Variants in ZDHHC14 observed in about 807,000 individuals in gnomAD.
ZDHHC14 encodes the protein zDHHC palmitoyltransferase 14, also known as palmitoyltransferase ZDHHC14.
ZDHHC14 carries 16 observed loss-of-function variants against 47.7 expected under a neutral mutation model. The observed-to-expected ratio is 0.34, with a 90% CI of 0.23 to 0.51. ZDHHC14 has a LOEUF of 0.51. Ranked by LOEUF, ZDHHC14 falls within the 20% of genes least tolerant of loss-of-function variation. The pLI, the probability that ZDHHC14 is intolerant of heterozygous loss-of-function variation, is 0.97. For synonymous variants in ZDHHC14, 293 were observed against 278.9 expected (o/e 1.05, Z -0.50); for missense variants, 515 against 662.5 (o/e 0.78, Z 2.44).
chr6:157,500,956 A>C (rs745379264), intron 1 of ZDHHC14, among the ~76,000 whole-genome samples: 1 of 152,210 alleles, frequency 6.6e-6, no homozygotes, highest in Non-Finnish European at 1.5e-5. Flanking sequence ...TTCCAGGAAG[A>C]CAAGACCCAT....
At chr6:157,441,906 G>C (rs778499792) in intron 1 of ZDHHC14, among the ~76,000 whole-genome samples, 1 of 152,142 alleles carries the variant, frequency 6.6e-6, no homozygotes, top group Non-Finnish European at 1.5e-5. Context: ...TTTCCATACA[G>C]AAAAGATTTC....
intron 1 of ZDHHC14, among the ~76,000 whole-genome samples, chr6:157,451,304 T>C (rs1778797821): frequency 6.6e-6 from 1 of 152,196 alleles, no homozygotes; most frequent in Non-Finnish European, 1.5e-5. Flanking sequence ...ACCTTGTCCA[T>C]TTTTTGTGTC....
intron 8 of ZDHHC14, among the ~76,000 whole-genome samples, chr6:157,668,724 T>A (rs1778662713): frequency 6.6e-6 from 1 of 151,856 alleles, no homozygotes; most frequent in Non-Finnish European, 1.5e-5. Context: ...AAAACAAAAA[T>A]TAAATGGCTT....
rs188327674 is a variant in ZDHHC14, at chr6:157,429,310, C to T, written c.245+47044C>T. On this transcript the variant is annotated intron_variant, in intron 1 of 8. Coordinates refer to ENST00000359775, the MANE Select transcript of ZDHHC14 (RefSeq NM_024630.3). ...ACAGAGTAGAATGGAAAATAGAGTA[C>T]GTCTCCTTTGATAAGCATTGGTATT... is the stretch of plus-strand genomic sequence containing the variant. Among the ~76,000 whole-genome samples, 566 of 152,226 alleles carry T rather than the reference C, an allele frequency of 3.7e-3. 1 individual carries two copies. Among genetic ancestry groups the T allele is most frequent in the Non-Finnish European group, 6.2e-3 (419 of 68,014 alleles).
At chr6:157,662,018 C>A (rs1778362572) in intron 8 of ZDHHC14, among the ~76,000 whole-genome samples, 1 of 151,646 alleles carries the variant, frequency 6.6e-6, no homozygotes, top group East Asian at 2.0e-4. Flanking sequence ...AAGCATAAGC[C>A]AGGACCCCAA....
At chr6:157,600,966 C>G (rs548297887) in intron 3 of ZDHHC14, among the ~76,000 whole-genome samples, 4 of 152,220 alleles carry the variant, frequency 2.6e-5, no homozygotes, top group Admixed American at 6.5e-5. Context: ...AGAGATGCCG[C>G]GCAGGAGGCC....
At chr6:157,461,045 G>T (rs1401930893) in intron 1 of ZDHHC14, among the ~76,000 whole-genome samples, 1 of 152,240 alleles carries the variant, frequency 6.6e-6, no homozygotes, top group Non-Finnish European at 1.5e-5. Flanking sequence ...AAGCAGCAAA[G>T]TAAGGCCTGG....
rs549974917 is a variant in ZDHHC14 at position 157,427,840 on chromosome 6, C to A, written c.245+45574C>A. Among the ~76,000 whole-genome samples, 8 of 152,178 alleles carry A rather than the reference C, an allele frequency of 5.3e-5. No homozygotes were observed. The East Asian group carries it at 1.5e-3, about 29-fold the overall frequency. ...TCCATGACATTGTGGCCCCCAAGGA[C>A]AATGGAATGGTGGGGCTCTAGTCTT... On this transcript the variant is annotated intron_variant, in intron 1 of 8. Transcript: ENST00000359775. The surrounding 1 kb of genome is among the most constrained non-coding windows in gnomAD (Gnocchi z 4.4).
At chr6:157,455,782 C>T (rs893649354) in intron 1 of ZDHHC14, among the ~76,000 whole-genome samples, 12 of 152,152 alleles carry the variant, frequency 7.9e-5, no homozygotes, top group Non-Finnish European at 1.6e-4. Flanking sequence ...AGAAGGAAAA[C>T]GACTGTAGAA....
chr6:157,554,855 C>A (rs1202780859), intron 2 of ZDHHC14, among the ~76,000 whole-genome samples: 1 of 152,200 alleles, frequency 6.6e-6, no homozygotes, highest in Non-Finnish European at 1.5e-5. Flanking sequence ...TCTCATCAGC[C>A]TTGCCTCAGC....
chr6:157,414,599 T>G (rs1187028546), intron 1 of ZDHHC14, among the ~76,000 whole-genome samples: 1 of 152,066 alleles, frequency 6.6e-6, no homozygotes, highest in African/African-American at 2.4e-5. Context: ...TGCCAGAGAC[T>G]TTCATCCAGG....
In ZDHHC14 at chr6:157,463,673, G is replaced by C. The variant is rs1221790947; in HGVS notation, c.246-78912G>C. On this transcript the variant is annotated intron_variant, in intron 1 of 8. Transcript: ENST00000359775. The surrounding 1 kb of genome is among the most constrained non-coding windows in gnomAD (Gnocchi z 4.4). ...TATAAAATAATTCTCAAGCTAAGCA[G>C]ATGGTGCTGGCACTTCGTCCCAATG... Among the ~76,000 whole-genome samples the C allele has an allele frequency of 6.6e-6, 1 of 152,210 alleles. No homozygotes were observed. Among genetic ancestry groups the C allele is most frequent in the Non-Finnish European group, 1.5e-5 (1 of 68,036 alleles).
At chr6:157,500,960 G>C (rs529503084) in intron 1 of ZDHHC14, among the ~76,000 whole-genome samples, 14 of 152,304 alleles carry the variant, frequency 9.2e-5, no homozygotes, top group South Asian at 4.1e-4. Flanking sequence ...AGGAAGACAA[G>C]ACCCATCATC....
intron 5 of ZDHHC14, among the ~76,000 whole-genome samples, chr6:157,642,281 T>C (rs575682338): frequency 6.6e-6 from 1 of 152,338 alleles, no homozygotes; most frequent in African/African-American, 2.4e-5. Context: ...CTGCACAACC[T>C]TCTTCCCTTA....
At chr6:157,398,339 G>A (rs911393474) in intron 1 of ZDHHC14, among the ~76,000 whole-genome samples, 40 of 152,160 alleles carry the variant, frequency 2.6e-4, no homozygotes, top group Non-Finnish European at 5.6e-4. Flanking sequence ...ACTTCCACTG[G>A]CATCATGTCA....
intron 3 of ZDHHC14, 53 bp downstream of exon 3, chr6:157,593,199 T>G: frequency 6.4e-7 from 1 of 1,565,396 alleles, no homozygotes; most frequent in Non-Finnish European, 8.6e-7. Flanking sequence ...CCGGGTGGGT[T>G]TGCGCCTCTC....
chr6:157,483,728 T>C (rs896652159), intron 1 of ZDHHC14, among the ~76,000 whole-genome samples: 1 of 152,174 alleles, frequency 6.6e-6, no homozygotes, highest in African/African-American at 2.4e-5. Context: ...CCGTGGACCT[T>C]CCATGTTGTA....
intron 2 of ZDHHC14, among the ~76,000 whole-genome samples, chr6:157,558,549 T>A (rs1582939076): frequency 6.6e-6 from 1 of 152,298 alleles, no homozygotes; most frequent in South Asian, 2.1e-4. Context: ...GAGGAATTTC[T>A]AATATAAGAA....
rs1232759308 is a variant in ZDHHC14 at position 157,675,026 on chromosome 6, C to A, written c.*1904C>A. On this transcript the variant is annotated 3_prime_UTR_variant, in exon 9 of 9. Coordinates refer to ENST00000359775, the MANE Select transcript of ZDHHC14 (RefSeq NM_024630.3). ...CAGGGATTCTCCTTGTCCACGCTAC[C>A]TGTGAGCCCAAAGTGACAGCCCCAC... is the stretch of plus-strand genomic sequence containing the variant. 1 of 152,292 alleles carries A rather than the reference C, an allele frequency of 6.6e-6. No individual in the cohort carries two copies. Among genetic ancestry groups the A allele is most frequent in the Non-Finnish European group, 1.5e-5 (1 of 68,070 alleles). 9.4% of individuals were successfully genotyped at this position (152,292 alleles called of 1,614,324 possible). A position where few individuals can be genotyped will look rare whatever the true frequency, so the allele number is the denominator to read the frequency against.
Sources: allele counts gnomAD v4.1 joint callset (sites outside exome capture counted in the v4.1 genomes callset), GRCh38; gene constraint gnomAD v4.1.1; non-coding constraint Gnocchi (gnomAD v3.1); transcripts MANE v1.5; gene names NCBI Gene and HGNC (gene_info 2026-07-23, HGNC 2026-07-21).